AKAP7: variants seen among roughly 807,000 people sequenced by gnomAD.
AKAP7 encodes A kinase (PRKA) anchor protein 7.
AKAP7 carries 39 observed loss-of-function variants against 39.5 expected under a neutral mutation model. That is an observed-to-expected ratio of 0.99 (90% CI 0.76 to 1.29). AKAP7 has a LOEUF of 1.29. Among genes scored for constraint, AKAP7 ranks in the 50% most tolerant of loss-of-function variants. AKAP7 has a pLI of 0.00. For missense variants in AKAP7, 414 were observed against 407.7 expected (o/e 1.02, Z -0.13); for synonymous variants, 140 against 139.1 (o/e 1.01, Z -0.05).
intron 6 of AKAP7, among the ~76,000 whole-genome samples, chr6:131,219,324 T>G (rs1809498027): frequency 6.6e-6 from 1 of 151,944 alleles, no homozygotes; most frequent in African/African-American, 2.4e-5. Context: ...CATTTCTCCA[T>G]TTTTGTTGGA....
chr6:131,258,460 A>G (rs1813042981), intron 7 of AKAP7, among the ~76,000 whole-genome samples: 2 of 152,200 alleles, frequency 1.3e-5, no homozygotes, highest in African/African-American at 4.8e-5. Flanking sequence ...TACTACCCAA[A>G]TTGGAAATTA....
chr6:131,191,198 A>G (rs1055958268), intron 5 of AKAP7, among the ~76,000 whole-genome samples: 3 of 152,340 alleles, frequency 2.0e-5, no homozygotes, highest in Middle Eastern at 3.4e-3. Context: ...ATGTAAAACC[A>G]TAAGACATCG....
At chr6:131,279,219 G>A (rs765784169) in intron 7 of AKAP7, among the ~76,000 whole-genome samples, 2 of 152,102 alleles carry the variant, frequency 1.3e-5, no homozygotes, top group African/African-American at 4.8e-5. Context: ...TGACTGCCTC[G>A]AATAATAGTA....
At chr6:131,272,220 C>T (rs1585220007) in intron 7 of AKAP7, among the ~76,000 whole-genome samples, 1 of 152,248 alleles carries the variant, frequency 6.6e-6, no homozygotes, top group East Asian at 1.9e-4. Flanking sequence ...TGTTTCCACC[C>T]CCCACTCCTG....
intron 7 of AKAP7, among the ~76,000 whole-genome samples, chr6:131,267,278 A>C (rs1326257065): frequency 1.3e-5 from 2 of 152,322 alleles, no homozygotes; most frequent in East Asian, 3.9e-4. Flanking sequence ...ATCAAAGATA[A>C]AATGAAGCAG....
At position 131,283,214 on chromosome 6, in the gene AKAP7, C is replaced by G. The variant is rs954307348; in HGVS notation, c.*1488C>G. On this transcript the variant is annotated 3_prime_UTR_variant, in exon 8 of 8. Transcript: ENST00000431975. ...ACATGTTTGGGATTTTTATTTTTTACGTGTCCGAAGATAAGCTCCAGGTCT... is the reference window on the plus strand; with the variant it reads ...ACATGTTTGGGATTTTTATTTTTTAGGTGTCCGAAGATAAGCTCCAGGTCT... The G allele has an allele frequency of 2.6e-5, 4 of 152,420 alleles. No individual in the cohort carries two copies. Among genetic ancestry groups the G allele is most frequent in the African/African-American group, 9.7e-5 (4 of 41,354 alleles). The allele number at this position is 152,420 out of a possible 1,614,324, so 9.4% of individuals were successfully genotyped here.
intron 7 of AKAP7, among the ~76,000 whole-genome samples, chr6:131,246,319 G>A (rs1439613995): frequency 6.6e-6 from 1 of 152,106 alleles, no homozygotes; most frequent in African/African-American, 2.4e-5. Flanking sequence ...CCCAAAATAT[G>A]ATAGCAAATA....
At chr6:131,277,010 ATTTAT>A (rs966662581) in intron 7 of AKAP7, among the ~76,000 whole-genome samples, 4 of 152,144 alleles carry the variant, frequency 2.6e-5, no homozygotes, top group Non-Finnish European at 5.9e-5. Context: ...CAAAGGAGTT[ATTTAT>A]TTTCTTTTCA....
intron 7 of AKAP7, among the ~76,000 whole-genome samples, chr6:131,277,451 T>C (rs1367766174): frequency 6.6e-6 from 1 of 152,228 alleles, no homozygotes; most frequent in Non-Finnish European, 1.5e-5. Context: ...TGTTGGAATA[T>C]CAAAAGATAG....
At chr6:131,254,052 T>C (rs2224637) in intron 7 of AKAP7, among the ~76,000 whole-genome samples, 8 of 152,184 alleles carry the variant, frequency 5.3e-5, no homozygotes, top group Admixed American at 2.0e-4. Flanking sequence ...GCAGAGCTTG[T>C]CATGGTTTAT....
At position 131,281,541 on chromosome 6, in the gene AKAP7, G is replaced by A. The variant is rs1204957559; in HGVS notation, c.862G>A (p.Gly288Arg). The A allele has an allele frequency of 5.0e-6, 8 of 1,607,358 alleles. No homozygotes were observed. The East Asian group carries it at 9.0e-5, about 18-fold the overall frequency. The change falls in exon 8 of 8, where the codon GGA becomes AGA. Residue 288 changes from glycine (G) to arginine (R), a missense_variant. Physicochemically the swap from Gly to Arg is moderately radical, Grantham distance 125 (BLOSUM62 -2). Transcript: ENST00000431975. The surrounding 1 kb of genome is among the most constrained non-coding windows in gnomAD (Gnocchi z 4.0). The part of the protein sequence containing the change: ...ESSIVIGEKN[G>R]GEPDDAELVR... ...ATTGTGGAATGTAGGTGAAAAGAAC[G>A]GAGGGGAGCCCGATGACGCTGAACT...
intron 1 of AKAP7, among the ~76,000 whole-genome samples, chr6:131,142,715 C>T (rs1265125868): frequency 2.0e-5 from 3 of 152,344 alleles, no homozygotes; most frequent in African/African-American, 7.2e-5. Flanking sequence ...GGGGCTGCCA[C>T]CTTCCAGACC....
intron 7 of AKAP7, among the ~76,000 whole-genome samples, chr6:131,239,476 C>T (rs1811347440): frequency 6.6e-6 from 1 of 152,178 alleles, no homozygotes; most frequent in Non-Finnish European, 1.5e-5. Flanking sequence ...TGGGGAAGTT[C>T]TCCTGGATAA....
intron 1 of AKAP7, among the ~76,000 whole-genome samples, chr6:131,143,772 T>A (rs1247962728): frequency 1.3e-5 from 2 of 151,290 alleles, no homozygotes; most frequent in East Asian, 3.9e-4. Flanking sequence ...TTTTATTTTT[T>A]ATTTTTTTAT....
intron 7 of AKAP7, among the ~76,000 whole-genome samples, chr6:131,263,529 G>C (rs1261310940): frequency 6.6e-6 from 1 of 152,214 alleles, no homozygotes; most frequent in South Asian, 2.1e-4. Context: ...TAATTTGTGT[G>C]TTATGGTGTA....
chr6:131,253,104 T>C, intron 7 of AKAP7: 1 of 1,613,042 alleles, frequency 6.2e-7, no homozygotes, highest in Non-Finnish European at 8.5e-7. Context: ...GTTGGTCAAG[T>C]GGTAAGAGTC....
chr6:131,268,705 A>G (rs1269108800), intron 7 of AKAP7, among the ~76,000 whole-genome samples: 2 of 152,208 alleles, frequency 1.3e-5, no homozygotes, highest in African/African-American at 2.4e-5. Context: ...GCTCATATCA[A>G]TTCCTAGCCT....
intron 5 of AKAP7, among the ~76,000 whole-genome samples, chr6:131,187,784 C>T (rs933127936): frequency 6.6e-6 from 1 of 152,220 alleles, no homozygotes. Context: ...TCTCTTCCCT[C>T]ATTTACATTT....
At chr6:131,186,819 G>A (rs929194508) in intron 5 of AKAP7, among the ~76,000 whole-genome samples, 3 of 152,162 alleles carry the variant, frequency 2.0e-5, no homozygotes, top group Non-Finnish European at 4.4e-5. Flanking sequence ...CAGACCTCTT[G>A]TGACCTAATC....
Sources: allele counts gnomAD v4.1 joint callset (sites outside exome capture counted in the v4.1 genomes callset), GRCh38; gene constraint gnomAD v4.1.1; non-coding constraint Gnocchi (gnomAD v3.1); transcripts MANE v1.5; gene names NCBI Gene and HGNC (gene_info 2026-07-23, HGNC 2026-07-21).